Variants in PRKAR1B observed in about 807,000 individuals in gnomAD.
PRKAR1B encodes protein kinase cAMP-dependent type I regulatory subunit beta, also known as cAMP-dependent protein kinase type I-beta regulatory subunit.
In PRKAR1B, 22 loss-of-function variants were observed where a neutral mutation model predicts 46.5. That is an observed-to-expected ratio of 0.47 (90% confidence interval 0.34 to 0.68). PRKAR1B has a LOEUF of 0.68. PRKAR1B is among the 30% of genes least tolerant of loss of function. PRKAR1B has a pLI of 0.01. For synonymous variants in PRKAR1B, 259 were observed against 217.7 expected (o/e 1.19, Z -1.67); for missense variants, 445 against 535.6 (o/e 0.83, Z 1.67).
At chr7:660,165 T>C (rs972661338) in intron 4 of PRKAR1B, among the ~76,000 whole-genome samples, 1 of 151,892 alleles carries the variant, frequency 6.6e-6, no homozygotes, top group Non-Finnish European at 1.5e-5. Flanking sequence ...CATGAGCCCA[T>C]CCCAGCCTTC....
intron 4 of PRKAR1B, among the ~76,000 whole-genome samples, chr7:633,929 G>A (rs903974946): frequency 1.3e-5 from 2 of 152,184 alleles, no homozygotes; most frequent in African/African-American, 4.8e-5. Flanking sequence ...GCTCACACCT[G>A]TAATCGCAGC....
At chr7:555,819 G>A (rs1778390925) in intron 9 of PRKAR1B, among the ~76,000 whole-genome samples, 1 of 152,210 alleles carries the variant, frequency 6.6e-6, no homozygotes. Flanking sequence ...CGTGGTGGTG[G>A]CCAGCACACC....
chr7:555,484 C>T (rs1778372332), intron 9 of PRKAR1B, among the ~76,000 whole-genome samples: 2 of 152,198 alleles, frequency 1.3e-5, no homozygotes, highest in Non-Finnish European at 2.9e-5. Flanking sequence ...TCACTCTTCA[C>T]ACGCCCTGAT....
At chr7:689,681 G>C (rs1779301275) in intron 2 of PRKAR1B, among the ~76,000 whole-genome samples, 1 of 144,836 alleles carries the variant, frequency 6.9e-6, no homozygotes, top group Admixed American at 6.7e-5. Flanking sequence ...AAGACCCAAA[G>C]AGAAGACTTT....
At chr7:669,297 T>C in intron 4 of PRKAR1B, among the ~76,000 whole-genome samples, 1 of 152,062 alleles carries the variant, frequency 6.6e-6, no homozygotes, top group Non-Finnish European at 1.5e-5. Flanking sequence ...GGCAAGCTCA[T>C]AGAAAGAGAA....
chr7:725,418 G>A (rs981451979), intron 1 of PRKAR1B, among the ~76,000 whole-genome samples: 8 of 152,122 alleles, frequency 5.3e-5, no homozygotes, highest in Admixed American at 2.0e-4. Flanking sequence ...TGTCAAACTC[G>A]CGTTCTAGGC....
rs999377600 is a variant in PRKAR1B at position 593,397 on chromosome 7, G to A, written c.708+2749C>T. On this transcript the variant is annotated intron_variant, in intron 7 of 10. Coordinates refer to ENST00000537384, the MANE Select transcript of PRKAR1B (RefSeq NM_001164760.2). This position sits in a 1 kb window ranked among gnomAD's most constrained non-coding sequence, Gnocchi z 6.1. ...CAGACACCATCCTGCAAATGCTCCC[G>A]TCCAAACCAGCCCGGCGCGGCCAGC... is the stretch of plus-strand genomic sequence containing the variant. 1.1e-4 allele frequency among the ~76,000 whole-genome samples: 16 copies of A among 152,188 alleles called. No homozygotes were observed. The highest frequency in any genetic ancestry group is 3.3e-4 in the Admixed American group (5 of 15,280).
intron 4 of PRKAR1B, among the ~76,000 whole-genome samples, chr7:616,057 C>T (rs922262105): frequency 1.2e-4 from 19 of 152,062 alleles, no homozygotes; most frequent in Non-Finnish European, 4.4e-5. Context: ...TGAGCCCAGG[C>T]AGGGGCTGTG....
intron 4 of PRKAR1B, among the ~76,000 whole-genome samples, chr7:630,999 C>A (rs1287318861): frequency 1.3e-5 from 2 of 150,230 alleles, no homozygotes; most frequent in African/African-American, 4.9e-5. Context: ...GTCACCCAGG[C>A]TGGAGTGCAG....
At chr7:725,963 C>G (rs546885781) in intron 1 of PRKAR1B, among the ~76,000 whole-genome samples, 1 of 152,184 alleles carries the variant, frequency 6.6e-6, no homozygotes, top group Non-Finnish European at 1.5e-5. Context: ...CCAATAAGCA[C>G]TGCCCTCTCC....
chr7:551,567 C>G, intron 9 of PRKAR1B, 97 bp from the exon 10 acceptor site: 1 of 1,184,830 alleles, frequency 8.4e-7, no homozygotes, highest in South Asian at 1.4e-5. Flanking sequence ...CACCCAAACC[C>G]CCACCTCCCA....
At chr7:609,371 G>C (rs1216167301) in intron 4 of PRKAR1B, among the ~76,000 whole-genome samples, 1 of 152,080 alleles carries the variant, frequency 6.6e-6, no homozygotes. Context: ...AATGCCTTAA[G>C]TAATCAAATG....
chr7:656,064 T>C (rs1785168260), intron 4 of PRKAR1B, among the ~76,000 whole-genome samples: 1 of 152,204 alleles, frequency 6.6e-6, no homozygotes, highest in Non-Finnish European at 1.5e-5. Flanking sequence ...TGGGCTCTCC[T>C]CCCACTTGTG....
chr7:568,597 GA>G (rs1779311934), intron 9 of PRKAR1B, among the ~76,000 whole-genome samples: 1 of 152,232 alleles, frequency 6.6e-6, no homozygotes, highest in African/African-American at 2.4e-5. Context: ...CCCCACAAGG[GA>G]GGGAATGTCC....
chr7:678,496 C>T (rs1004721442), intron 3 of PRKAR1B, among the ~76,000 whole-genome samples: 18 of 152,298 alleles, frequency 1.2e-4, no homozygotes, highest in African/African-American at 4.3e-4. Flanking sequence ...AACTCTGCAC[C>T]CTTTGATCAA....
intron 7 of PRKAR1B, among the ~76,000 whole-genome samples, chr7:587,676 T>C (rs1780675605): frequency 6.6e-6 from 1 of 152,198 alleles, no homozygotes; most frequent in Non-Finnish European, 1.5e-5. Flanking sequence ...AGAGCAGCCC[T>C]GGGGACACCG....
intron 1 of PRKAR1B, among the ~76,000 whole-genome samples, chr7:721,440 G>A (rs1374848208): frequency 6.6e-6 from 1 of 152,156 alleles, no homozygotes; most frequent in Non-Finnish European, 1.5e-5. Flanking sequence ...CCTGAAGTCA[G>A]GAGTTCAAGA....
At chr7:650,936 C>T (rs1340532572) in intron 4 of PRKAR1B, among the ~76,000 whole-genome samples, 2 of 152,198 alleles carry the variant, frequency 1.3e-5, no homozygotes, top group African/African-American at 4.8e-5. Flanking sequence ...ACCGAGAGCC[C>T]TGACTCAGCT....
chr7:659,357 G>C (rs1241068496), intron 4 of PRKAR1B, among the ~76,000 whole-genome samples: 1 of 152,164 alleles, frequency 6.6e-6, no homozygotes, highest in Non-Finnish European at 1.5e-5. Flanking sequence ...AACACCTGTT[G>C]AATGAATGAG....
Sources: gnomAD v4.1 joint callset for allele counts (sites outside exome capture counted in the v4.1 genomes callset) on GRCh38, gnomAD v4.1.1 for gene constraint, Gnocchi (gnomAD v3.1) non-coding constraint, MANE v1.5 for transcripts, NCBI Gene and HGNC (gene_info 2026-07-23, HGNC 2026-07-21) for gene names.